Variants in TMEM232 observed in about 807,000 individuals in gnomAD.
TMEM232 encodes the protein transmembrane protein 232.
In TMEM232, 80 loss-of-function variants were observed where a neutral mutation model predicts 78.8. The ratio of observed to expected loss-of-function variants is 1.01; its 90% CI spans 0.85 to 1.22. TMEM232 has a LOEUF of 1.22. Ranked by LOEUF, TMEM232 falls within the 50% of genes most tolerant of loss-of-function variation. The pLI, the probability that TMEM232 is intolerant of heterozygous loss-of-function variation, is 0.00. For synonymous variants in TMEM232, 297 were observed against 254.3 expected (o/e 1.17, Z -1.60); for missense variants, 881 against 742.2 (o/e 1.19, Z -2.17).
At chr5:110,665,891 C>CAAAAAAAA (rs775392111) in intron 2 of TMEM232, among the ~76,000 whole-genome samples, 2 of 63,808 alleles carry the variant, frequency 3.1e-5, no homozygotes, top group Non-Finnish European at 7.2e-5. Flanking sequence ...CCCATCTCCA[C>CAAAAAAAA]AAAAAAAAAA....
chr5:110,601,372 G>C (rs545473116), intron 10 of TMEM232, among the ~76,000 whole-genome samples: 1 of 152,268 alleles, frequency 6.6e-6, no homozygotes, highest in Non-Finnish European at 1.5e-5. Flanking sequence ...CTCTCTGTTT[G>C]CAGATGACAT....
At chr5:110,664,569 G>A (rs1790294694) in intron 2 of TMEM232, among the ~76,000 whole-genome samples, 1 of 152,204 alleles carries the variant, frequency 6.6e-6, no homozygotes, top group South Asian at 2.1e-4. Context: ...AACAATATGT[G>A]TCACAGGCTA....
intron 1 of TMEM232, among the ~76,000 whole-genome samples, chr5:110,699,702 A>G (rs1041797455): frequency 6.6e-6 from 1 of 152,088 alleles, no homozygotes; most frequent in East Asian, 1.9e-4. Context: ...TTCTCTTGCT[A>G]CCACTCCTTC....
intron 2 of TMEM232, among the ~76,000 whole-genome samples, chr5:110,664,900 A>G (rs1276014733): frequency 6.6e-6 from 1 of 152,190 alleles, no homozygotes; most frequent in Non-Finnish European, 1.5e-5. Context: ...TCACTTTGTT[A>G]ACTCCAGGGC....
intron 10 of TMEM232, among the ~76,000 whole-genome samples, chr5:110,594,178 T>C (rs903904878): frequency 1.3e-5 from 2 of 151,658 alleles, no homozygotes; most frequent in African/African-American, 2.4e-5. Context: ...TGGTGGGGCA[T>C]TGCCTCACCC....
rs568398806 is a variant in TMEM232, at chr5:110,419,610, A to C, written c.*970T>G. On this transcript the variant is annotated 3_prime_UTR_variant, in exon 14 of 14. Transcript: ENST00000455884. ...TTTGGAATGTAACCGAGTGATGGGA[A>C]ATTTCTCTATATGGGATAGGTATTC... is the stretch of plus-strand genomic sequence containing the variant. 2.0e-5 allele frequency among the ~76,000 whole-genome samples: 3 copies of C among 152,208 alleles called. No individual in the cohort carries two copies. The East Asian group carries it at 5.8e-4, about 29-fold the overall frequency.
chr5:110,598,689 TGAG>T (rs1196633663), intron 10 of TMEM232, among the ~76,000 whole-genome samples: 5 of 151,668 alleles, frequency 3.3e-5, no homozygotes, highest in African/African-American at 4.8e-5. Context: ...CCATAAAAAA[TGAG>T]GAGTTCATGT....
chr5:110,587,957 AT>A (rs1001165891), intron 10 of TMEM232, among the ~76,000 whole-genome samples: 1 of 149,430 alleles, frequency 6.7e-6, no homozygotes, highest in South Asian at 2.1e-4. Flanking sequence ...ATATATATAT[AT>A]TTTTTTAAAG....
At chr5:110,462,460 C>T (rs1761637222) in intron 12 of TMEM232, among the ~76,000 whole-genome samples, 1 of 152,158 alleles carries the variant, frequency 6.6e-6, no homozygotes, top group Non-Finnish European at 1.5e-5. Context: ...AGGATAAAAG[C>T]AGGCAGAGGA....
intron 2 of TMEM232, among the ~76,000 whole-genome samples, chr5:110,399,709 G>T (rs534440819): frequency 6.6e-6 from 1 of 152,178 alleles, no homozygotes; most frequent in East Asian, 1.9e-4. Flanking sequence ...AGCTCTTCTT[G>T]ATTTCCATCA....
chr5:110,628,241 T>C (rs186668393), intron 5 of TMEM232, among the ~76,000 whole-genome samples: 259 of 152,226 alleles, frequency 1.7e-3, no homozygotes, highest in Non-Finnish European at 2.8e-3. Flanking sequence ...AAAAAATATA[T>C]TTTACTGTAC....
intron 2 of TMEM232, chr5:110,734,887 CT>C (rs1477764280): frequency 6.6e-6 from 1 of 151,966 alleles, no homozygotes; most frequent in African/African-American, 2.4e-5. Context: ...TAAATTTCAC[CT>C]TTTAAAATAC....
At chr5:110,663,982 A>T (rs1047504658) in intron 2 of TMEM232, among the ~76,000 whole-genome samples, 4 of 151,978 alleles carry the variant, frequency 2.6e-5, no homozygotes, top group African/African-American at 4.8e-5. Context: ...TACAAAAAAA[A>T]TTTTTTATTT....
intron 1 of TMEM232, among the ~76,000 whole-genome samples, chr5:110,694,335 A>T (rs1794504606): frequency 6.6e-6 from 1 of 152,244 alleles, no homozygotes; most frequent in African/African-American, 2.4e-5. Context: ...AACCAGTACC[A>T]GCCACTGCAA....
chr5:110,570,441 A>G (rs1776817199), intron 10 of TMEM232, among the ~76,000 whole-genome samples: 1 of 151,958 alleles, frequency 6.6e-6, no homozygotes, highest in African/African-American at 2.4e-5. Context: ...CATGAGAATA[A>G]TTTGTAAGAG....
At chr5:110,738,164 G>C, upstream of TMEM232, 3 of 1,215,512 alleles carry the variant, frequency 2.5e-6, no homozygotes, top group Non-Finnish European at 3.2e-6. Context: ...ACGAGTTGAA[G>C]GAACATAGGA....
chr5:110,707,907 C>T (rs1193770608), intron 1 of TMEM232, among the ~76,000 whole-genome samples: 32 of 152,152 alleles, frequency 2.1e-4, no homozygotes, highest in African/African-American at 4.8e-5. Context: ...AGACACACCC[C>T]GGGCCAAAAG....
At chr5:110,398,636 C>G (rs1755480840) in intron 2 of TMEM232, among the ~76,000 whole-genome samples, 1 of 152,130 alleles carries the variant, frequency 6.6e-6, no homozygotes, top group African/African-American at 2.4e-5. Context: ...TAAGAAGATG[C>G]AATAGTCTCA....
intron 2 of TMEM232, among the ~76,000 whole-genome samples, chr5:110,413,985 A>AAAATAG (rs1412086320): frequency 2.0e-5 from 3 of 152,366 alleles, no homozygotes; most frequent in African/African-American, 7.2e-5. Context: ...ATGGAGCCAG[A>AAAATAG]AAATAGAAAG....
Sources: allele counts gnomAD v4.1 joint callset (sites outside exome capture counted in the v4.1 genomes callset), GRCh38; gene constraint gnomAD v4.1.1; transcripts MANE v1.5; gene names NCBI Gene and HGNC (gene_info 2026-07-23, HGNC 2026-07-21).